Variants in ITPRID1 observed in about 807,000 individuals in gnomAD.
The protein encoded by ITPRID1 is ITPR interacting domain containing 1.
ITPRID1 carries 96 observed loss-of-function variants against 95.4 expected under a neutral mutation model. That is an observed-to-expected ratio of 1.01 (90% CI 0.85 to 1.19). The LOEUF (loss-of-function observed/expected upper bound fraction) is 1.19, where lower values mean the gene tolerates loss of function less well. ITPRID1 is among the 50% of genes most tolerant of loss of function. The pLI, the probability that ITPRID1 is intolerant of heterozygous loss-of-function variation, is 0.00. For missense variants in ITPRID1, 1,339 were observed against 1,252.9 expected, an observed-to-expected ratio of 1.07 and a Z score of -1.04; for synonymous variants, 510 against 453.6, an observed-to-expected ratio of 1.12 and a Z score of -1.58.
intron 10 of ITPRID1, among the ~76,000 whole-genome samples, chr7:31,612,282 A>G (rs1056437580): frequency 6.6e-6 from 1 of 152,136 alleles, no homozygotes; most frequent in Non-Finnish European, 1.5e-5. Flanking sequence ...TGAACAATAT[A>G]TAATAACTAA....
intron 1 of ITPRID1, among the ~76,000 whole-genome samples, chr7:31,519,620 C>CTCTCTCTCCATATATATATATATA: frequency 1.2e-4 from 3 of 25,270 alleles, no homozygotes; most frequent in Non-Finnish European, 2.2e-4. Flanking sequence ...CTCTCTCTCT[C>CTCTCTCTCCATATATATATATATA]TATATATATA....
At chr7:31,515,192 C>A (rs1336538916) in intron 1 of ITPRID1, among the ~76,000 whole-genome samples, 1 of 151,906 alleles carries the variant, frequency 6.6e-6, no homozygotes, top group East Asian at 1.9e-4. Context: ...TATAGGAATA[C>A]CTTTTCATTC....
chr7:31,636,809 T>G (rs1789526568), intron 10 of ITPRID1, among the ~76,000 whole-genome samples: 1 of 151,670 alleles, frequency 6.6e-6, no homozygotes, highest in Admixed American at 6.6e-5. Context: ...ACATGTGCCA[T>G]GTTGGTGTGC....
intron 10 of ITPRID1, among the ~76,000 whole-genome samples, chr7:31,627,659 C>CAAAAAAAAAAAA (rs3078462): frequency 9.3e-5 from 7 of 75,536 alleles, no homozygotes; most frequent in South Asian, 7.1e-4. Flanking sequence ...GACACTGTCT[C>CAAAAAAAAAAAA]AAAAAAAAAA....
At position 31,643,720 on chromosome 7, in the gene ITPRID1, T is replaced by C. The variant is rs1189503446; in HGVS notation, c.2350T>C (p.Ser784Pro). The C allele has an allele frequency of 6.2e-7, 1 of 1,614,016 alleles. No individual in the cohort carries two copies. The change falls in exon 12 of 15, where the codon TCT becomes CCT. Residue 784 changes from serine to proline, a missense_variant. Ser to Pro is a moderately conservative substitution (Grantham distance 74, BLOSUM62 -1). Coordinates refer to ENST00000615280, the MANE Select transcript of ITPRID1 (RefSeq NM_001257967.3). ...HGPQPLTKSVSLDSGFSSICP... is the reference protein window; with the variant it reads ...HGPQPLTKSVPLDSGFSSICP... Reference sequence around the variant, plus strand: ...GCCCCAGCCCCTCACCAAATCCGTCTCTCTAGACTCAGGCTTCTCTAGTAT... The same window carrying C: ...GCCCCAGCCCCTCACCAAATCCGTCCCTCTAGACTCAGGCTTCTCTAGTAT...
chr7:31,643,061 A>T lies in ITPRID1; in HGVS notation c.1691A>T (p.His564Leu). The T allele has an allele frequency of 6.2e-7, 1 of 1,613,934 alleles. No individual in the cohort carries two copies. Among genetic ancestry groups the T allele is most frequent in the Non-Finnish European group, 8.5e-7 (1 of 1,179,874 alleles). Residue 564 changes from histidine to leucine, a missense_variant, in exon 12 of 15, where the codon CAT becomes CTT. By Grantham distance (99) the His-to-Leu change is moderately conservative. Transcript: ENST00000615280. Reference sequence around the variant, plus strand: ...CCCACAGCCACTTCCAAATATGATCATCCTCTGGGGTTTATGGTAACCCAC... The same window carrying T: ...CCCACAGCCACTTCCAAATATGATCTTCCTCTGGGGTTTATGGTAACCCAC... ...TRPTATSKYD[H>L]PLGFMVTHVT...
At chr7:31,544,303 G>T (rs566699656) in intron 1 of ITPRID1, among the ~76,000 whole-genome samples, 1 of 152,244 alleles carries the variant, frequency 6.6e-6, no homozygotes, top group African/African-American at 2.4e-5. Context: ...GAAGGCAGGT[G>T]TGATAGAGCC....
At chr7:31,568,498 A>G (rs905500117) in intron 5 of ITPRID1, among the ~76,000 whole-genome samples, 1 of 152,178 alleles carries the variant, frequency 6.6e-6, no homozygotes, top group South Asian at 2.1e-4. Flanking sequence ...AGTTTCACAC[A>G]CGTCACACAT....
intron 1 of ITPRID1, among the ~76,000 whole-genome samples, chr7:31,522,705 CAG>C (rs1783303928): frequency 6.6e-6 from 1 of 152,134 alleles, no homozygotes; most frequent in Non-Finnish European, 1.5e-5. Flanking sequence ...AGGCATTAGA[CAG>C]AAATTCCAGG....
intron 10 of ITPRID1, among the ~76,000 whole-genome samples, chr7:31,609,499 A>C (rs1253053967): frequency 6.6e-6 from 1 of 151,668 alleles, no homozygotes; most frequent in Non-Finnish European, 1.5e-5. Flanking sequence ...AGGTCTATTA[A>C]AATTTTCTGT....
In ITPRID1 at chr7:31,622,251, G is replaced by A. The variant is rs550355197; in HGVS notation, c.1229-19925G>A. Among the ~76,000 whole-genome samples the A allele has an allele frequency of 3.7e-3, 555 of 148,720 alleles. 4 individuals are homozygous for A. Among genetic ancestry groups the A allele is most frequent in the African/African-American group, 0.012 (477 of 40,340 alleles). ...AATTGACCTCAGCTCTGCACCAAGC[G>A]GACCTAATAGGCATCTACAGAACTC... On this transcript the variant is annotated intron_variant, in intron 10 of 14. Coordinates refer to ENST00000615280, the MANE Select transcript of ITPRID1 (RefSeq NM_001257967.3).
In ITPRID1 at chr7:31,519,620, C is replaced by CTATATATATATATA. The variant is rs750544823; in HGVS notation, c.-98+5513_-98+5526dup. Among the ~76,000 whole-genome samples, 66 of 25,230 alleles carry CTATATATATATATA rather than the reference C, an allele frequency of 2.6e-3. 1 individual carries two copies. The highest frequency in any genetic ancestry group is 0.012 in the East Asian group (4 of 334). 16.6% of individuals were successfully genotyped at this position (25,230 alleles called of 152,430 possible). A position where few individuals can be genotyped will look rare whatever the true frequency, so the allele number is the denominator to read the frequency against. ...TCTCTCTCTCTCTCTCTCTCTCTCT[C>CTATATATATATATA]TATATATATATATATATATATATAT... On this transcript the variant is annotated intron_variant, in intron 1 of 14. Coordinates refer to ENST00000615280, the MANE Select transcript of ITPRID1 (RefSeq NM_001257967.3).
At chr7:31,598,386 C>CTTTTTTTTTTTATTTTT (rs70986632) in intron 10 of ITPRID1, among the ~76,000 whole-genome samples, 1 of 125,788 alleles carries the variant, frequency 7.9e-6, no homozygotes, top group African/African-American at 3.0e-5. Flanking sequence ...TAGCGAATTT[C>CTTTTTTTTTTTATTTTT]TTTTTTTTTT....
chr7:31,652,103 G>A, intron 14 of ITPRID1, 53 bp downstream of exon 14: 2 of 1,268,130 alleles, frequency 1.6e-6, no homozygotes, highest in South Asian at 1.3e-5. Context: ...CACAGGAGAG[G>A]TGCATTAAAT....
In ITPRID1 at chr7:31,651,237, C is replaced by G; in HGVS notation, c.2679C>G (p.Ala893=). The change falls in exon 13 of 15, where the codon GCC becomes GCG. Residue 893 remains alanine (A), a synonymous_variant. Transcript: ENST00000615280. ...AACAGCACCTTATGGGACAGCAGGC[C>G]CTCTTTTCCAGGGACATGTCAGAGG... The part of the protein sequence containing the change: ...EIEQHLMGQQ[A]LFSRDMSEEE... 2 of 1,613,446 alleles carry G rather than the reference C, an allele frequency of 1.2e-6. No individual in the cohort carries two copies. Among genetic ancestry groups the G allele is most frequent in the Non-Finnish European group, 1.7e-6 (2 of 1,179,578 alleles).
At chr7:31,558,482 T>C (rs1366809506) in intron 5 of ITPRID1, among the ~76,000 whole-genome samples, 1 of 152,172 alleles carries the variant, frequency 6.6e-6, no homozygotes, top group Non-Finnish European at 1.5e-5. Flanking sequence ...ACTAACTTTT[T>C]TTTTATGTCA....
chr7:31,637,705 T>C (rs56410930), intron 10 of ITPRID1, among the ~76,000 whole-genome samples: 10,641 of 152,274 alleles, frequency 0.07, 518 homozygotes, highest in Non-Finnish European at 0.11. Context: ...ACTCTGATGG[T>C]AGTTTCTATT....
chr7:31,613,869 A>T (rs1786993948), intron 10 of ITPRID1, among the ~76,000 whole-genome samples: 1 of 152,200 alleles, frequency 6.6e-6, no homozygotes, highest in Non-Finnish European at 1.5e-5. Context: ...TTGCTTGAAT[A>T]CTATGTTATG....
At chr7:31,532,356 T>C (rs10237042) in intron 1 of ITPRID1, among the ~76,000 whole-genome samples, 88,676 of 151,956 alleles carry the variant, frequency 0.58, 26,935 homozygotes, top group Middle Eastern at 0.71. Context: ...TCTTTTCTTG[T>C]TTTATTGAGC....
Sources: allele counts gnomAD v4.1 joint callset (sites outside exome capture counted in the v4.1 genomes callset), GRCh38; gene constraint gnomAD v4.1.1; transcripts MANE v1.5; gene names NCBI Gene and HGNC (gene_info 2026-07-23, HGNC 2026-07-21).